Variants in MXI1 observed in about 807,000 individuals in gnomAD.
MXI1 encodes the protein MAX interactor 1, dimerization protein.
MXI1 carries 18 observed loss-of-function variants against 36.9 expected under a neutral mutation model. That is an observed-to-expected ratio of 0.49 (90% CI 0.34 to 0.72). The LOEUF (loss-of-function observed/expected upper bound fraction) is 0.72. MXI1 is among the 30% of genes least tolerant of loss of function. The pLI, the probability that MXI1 is intolerant of heterozygous loss-of-function variation, is 0.01. For synonymous variants in MXI1, 160 were observed against 146.7 expected (o/e 1.09, Z -0.65); for missense variants, 304 against 379.1 (o/e 0.80, Z 1.64).
At chr10:110,255,792 C>T (rs1373405494) in intron 3 of MXI1, among the ~76,000 whole-genome samples, 1 of 152,052 alleles carries the variant, frequency 6.6e-6, no homozygotes, top group Non-Finnish European at 1.5e-5. Flanking sequence ...GTTCCAGCTT[C>T]CTTTTTTTTT....
intron 2 of MXI1, among the ~76,000 whole-genome samples, chr10:110,238,908 A>G (rs796754733): frequency 1.1e-4 from 16 of 152,290 alleles, no homozygotes; most frequent in African/African-American, 3.8e-4. Flanking sequence ...TGTATGATGT[A>G]TGTAGAATCT....
chr10:110,211,431 G>A (rs1444949560), intron 1 of MXI1, among the ~76,000 whole-genome samples: 1 of 152,200 alleles, frequency 6.6e-6, no homozygotes, highest in Non-Finnish European at 1.5e-5. Context: ...TTAAAGGGAC[G>A]CTCTTCTGTC....
intron 1 of MXI1, among the ~76,000 whole-genome samples, chr10:110,218,428 T>C (rs1464488991): frequency 6.8e-6 from 1 of 148,102 alleles, no homozygotes; most frequent in Admixed American, 6.7e-5. Context: ...CCAGCCTGGG[T>C]GACAGAGTAA....
rs1401555545 is a variant in MXI1 at position 110,228,236 on chromosome 10, C to T, written c.322C>T (p.Arg108Ter). ...ASSFPSMPSP[R>*]LQHSKPPRRL... ...TTCATTCCCGTCCATGCCGAGCCCC[C>T]GACTGCAGCATTCAAAGCCCCCACG... is the stretch of plus-strand genomic sequence containing the variant. The change falls in exon 2 of 6, where the codon CGA becomes TGA. Residue 108 changes from arginine to a stop codon, truncating the protein, a stop_gained. Coordinates refer to ENST00000332674, the MANE Select transcript of MXI1 (RefSeq NM_130439.3). LOFTEE classifies it high-confidence loss of function. The T allele has an allele frequency of 2.5e-6, 4 of 1,613,986 alleles. No individual in the cohort carries two copies. The highest frequency in any genetic ancestry group is 1.1e-5 in the South Asian group (1 of 91,086).
intron 1 of MXI1, chr10:110,227,736 C>T (rs1342766477): frequency 1.0e-5 from 2 of 193,326 alleles, no homozygotes; most frequent in South Asian, 2.3e-4. Context: ...ACCAGGAACT[C>T]GGAGACTGTG....
intron 2 of MXI1, among the ~76,000 whole-genome samples, chr10:110,234,878 A>G (rs190813871): frequency 0.017 from 2,634 of 152,264 alleles, 44 homozygotes; most frequent in Admixed American, 0.032. Flanking sequence ...TTTACAAACA[A>G]TATTTAACTT....
At chr10:110,279,060 G>A (rs912593326) in intron 3 of MXI1, 120 bp from the exon 4 acceptor site, 6 of 673,376 alleles carry the variant, frequency 8.9e-6, no homozygotes, top group Admixed American at 2.7e-5. Flanking sequence ...GAGAATTAGG[G>A]GTGTGACATC....
At chr10:110,247,774 G>A (rs1233338293) in intron 3 of MXI1, among the ~76,000 whole-genome samples, 1 of 152,194 alleles carries the variant, frequency 6.6e-6, no homozygotes, top group Non-Finnish European at 1.5e-5. Flanking sequence ...ATCCATTGTG[G>A]AAGTCAGTGT....
intron 3 of MXI1, 136 bp downstream of exon 3, chr10:110,244,993 T>C (rs540178184): frequency 1.7e-4 from 131 of 774,598 alleles, no homozygotes; most frequent in Non-Finnish European, 2.2e-4. Flanking sequence ...GAATCTGATA[T>C]ATATGTATTT....
At chr10:110,277,664 C>T (rs139927170) in intron 3 of MXI1, among the ~76,000 whole-genome samples, 3 of 152,306 alleles carry the variant, frequency 2.0e-5, no homozygotes, top group East Asian at 3.9e-4. Context: ...ACACCAGTTA[C>T]GTCAGGTTTC....
intron 2 of MXI1, among the ~76,000 whole-genome samples, chr10:110,236,229 C>T (rs1855472981): frequency 7.8e-6 from 1 of 128,578 alleles, no homozygotes; most frequent in South Asian, 2.5e-4. Flanking sequence ...CATTAAATGG[C>T]CTTGGCACCT....
intron 3 of MXI1, among the ~76,000 whole-genome samples, chr10:110,259,309 ATTTAT>A (rs139104957): frequency 1.1e-3 from 160 of 152,176 alleles, no homozygotes; most frequent in African/African-American, 3.3e-3. Flanking sequence ...ATGTAAACAA[ATTTAT>A]TTTATATGCA....
At chr10:110,224,750 C>T (rs1457112442) in intron 1 of MXI1, among the ~76,000 whole-genome samples, 3 of 151,452 alleles carry the variant, frequency 2.0e-5, no homozygotes, top group African/African-American at 4.9e-5. Context: ...CGGGTTCAAG[C>T]GATTCTCGTG....
chr10:110,232,306 A>G (rs1305738097), intron 2 of MXI1, among the ~76,000 whole-genome samples: 3 of 152,016 alleles, frequency 2.0e-5, no homozygotes, highest in Non-Finnish European at 2.9e-5. Flanking sequence ...TTCCTTCAGT[A>G]CGCGTTTTCT....
intron 3 of MXI1, among the ~76,000 whole-genome samples, chr10:110,258,536 T>A (rs1487692930): frequency 6.6e-6 from 1 of 152,160 alleles, no homozygotes; most frequent in Admixed American, 6.6e-5. Flanking sequence ...ATCAGAGAGC[T>A]ATATAATTCA....
At position 110,216,082 on chromosome 10, in the gene MXI1, T is replaced by A. The variant is rs560689434; in HGVS notation, c.274+8000T>A. Among the ~76,000 whole-genome samples, 20 of 152,344 alleles carry A rather than the reference T, an allele frequency of 1.3e-4. No homozygotes were observed. The South Asian group carries it at 3.7e-3, about 28-fold the overall frequency. On this transcript the variant is annotated intron_variant, in intron 1 of 5. Transcript: ENST00000332674. The stretch of plus-strand genomic sequence containing the variant: ...CAAAAATAATGGGCATTTGCCATCA[T>A]CATGCTGAGCAGGAGGCTCCTTCTT...
rs1014809817 is a variant in MXI1, at chr10:110,278,089, C to T, written c.438-1091C>T. Among the ~76,000 whole-genome samples, 14 of 152,124 alleles carry T rather than the reference C, an allele frequency of 9.2e-5. 1 individual carries two copies. The highest frequency in any genetic ancestry group is 3.3e-4 in the Admixed American group (5 of 15,272). On this transcript the variant is annotated intron_variant, in intron 3 of 5. Transcript: ENST00000332674. Reference sequence around the variant, plus strand: ...TTAAGGACTAGGGGTAAACTGTGAACGTATTTGTGGATTTTCTTTTCAGAT... The same window carrying T: ...TTAAGGACTAGGGGTAAACTGTGAATGTATTTGTGGATTTTCTTTTCAGAT...
At chr10:110,218,294 C>T (rs1369721142) in intron 1 of MXI1, among the ~76,000 whole-genome samples, 1 of 151,958 alleles carries the variant, frequency 6.6e-6, no homozygotes, top group Non-Finnish European at 1.5e-5. Context: ...ACTAAAAATA[C>T]AAAAAATTAG....
intron 2 of MXI1, among the ~76,000 whole-genome samples, chr10:110,230,826 A>T (rs1183916192): frequency 1.3e-5 from 2 of 152,332 alleles, no homozygotes; most frequent in Non-Finnish European, 2.9e-5. Context: ...ACTTACAGAA[A>T]TTTCCATGTA....
Sources: gnomAD v4.1 joint callset for allele counts (sites outside exome capture counted in the v4.1 genomes callset) on GRCh38, gnomAD v4.1.1 for gene constraint, MANE v1.5 for transcripts, NCBI Gene and HGNC (gene_info 2026-07-23, HGNC 2026-07-21) for gene names.